DSCAML1: variants seen among roughly 807,000 people sequenced by gnomAD.
DSCAML1 encodes cell adhesion molecule DSCAML1.
Under a neutral mutation model 200.5 loss-of-function variants are expected in DSCAML1, and 38 were observed. The ratio of observed to expected loss-of-function variants is 0.19; its 90% CI spans 0.15 to 0.25. DSCAML1 has a LOEUF of 0.25. DSCAML1 is among the 10% of genes least tolerant of loss of function. The probability of loss-of-function intolerance (pLI) is 1.00; values close to 1 mark genes in which losing one functional copy is unlikely to be tolerated. For synonymous variants in DSCAML1, 1,215 were observed against 1,165.0 expected (o/e 1.04, Z -0.87); for missense variants, 2,223 against 2,858.8 (o/e 0.78, Z 5.07).
intron 1 of DSCAML1, among the ~76,000 whole-genome samples, chr11:117,809,727 A>C (rs967833080): frequency 6.6e-5 from 10 of 152,298 alleles, no homozygotes; most frequent in Admixed American, 2.0e-4. Context: ...AGGAGGCTGA[A>C]TCGCCGCGCA....
chr11:117,745,321 T>A (rs545454957), intron 3 of DSCAML1, among the ~76,000 whole-genome samples: 1 of 152,020 alleles, frequency 6.6e-6, no homozygotes, highest in African/African-American at 2.4e-5. Flanking sequence ...AAAAAGTCAA[T>A]TAAGAAAAAA....
intron 3 of DSCAML1, among the ~76,000 whole-genome samples, chr11:117,694,165 G>T (rs11600672): frequency 1.3e-5 from 2 of 151,192 alleles, no homozygotes; most frequent in Admixed American, 1.3e-4. Context: ...CACTTTGAGA[G>T]GCTGAGGTGG....
intron 3 of DSCAML1, among the ~76,000 whole-genome samples, chr11:117,595,785 A>AAG (rs1292489855): frequency 2.0e-4 from 31 of 152,310 alleles, no homozygotes; most frequent in African/African-American, 7.2e-4. Context: ...GCTAAAAAAA[A>AAG]AAAAGTGACC....
In DSCAML1 at chr11:117,642,596, T is replaced by C. The variant is rs551008981; in HGVS notation, c.512-110074A>G. On this transcript the variant is annotated intron_variant, in intron 3 of 32. Coordinates refer to ENST00000651296, the MANE Select transcript of DSCAML1 (RefSeq NM_020693.4). The surrounding 1 kb of genome is among the most constrained non-coding windows in gnomAD (Gnocchi z 4.1). The stretch of plus-strand genomic sequence containing the variant: ...GTGAGACACAGTGGGGCTGTATCCC[T>C]GTGGATGGACAGCAGTGCCTGAGGG... Among the ~76,000 whole-genome samples, 50 of 152,326 alleles carry C rather than the reference T, an allele frequency of 3.3e-4. No individual in the cohort carries two copies. Among genetic ancestry groups the C allele is most frequent in the Middle Eastern group, 3.4e-3 (1 of 294 alleles).
intron 5 of DSCAML1, among the ~76,000 whole-genome samples, chr11:117,523,970 G>A (rs11216437): frequency 0.16 from 24,961 of 152,172 alleles, 2,290 homozygotes; most frequent in South Asian, 0.31. Context: ...TCTTGATGCC[G>A]GAGCTAGAAG....
intron 3 of DSCAML1, among the ~76,000 whole-genome samples, chr11:117,703,735 G>C (rs545820382): frequency 6.6e-6 from 1 of 152,332 alleles, no homozygotes; most frequent in African/African-American, 2.4e-5. Flanking sequence ...CAAGACTGTG[G>C]GTGCCCCAAG....
chr11:117,628,783 T>C (rs1236601171), intron 3 of DSCAML1, among the ~76,000 whole-genome samples: 2 of 152,182 alleles, frequency 1.3e-5, no homozygotes, highest in East Asian at 3.9e-4. Flanking sequence ...GAACCATCTA[T>C]CCAGAAGCAG....
intron 11 of DSCAML1, among the ~76,000 whole-genome samples, chr11:117,484,151 G>A (rs1318464697): frequency 6.6e-6 from 1 of 151,848 alleles, no homozygotes; most frequent in Admixed American, 6.6e-5. Context: ...TTAAAGGCCT[G>A]CTCAGGCAAA....
intron 6 of DSCAML1, 98 bp downstream of exon 6, chr11:117,521,032 G>C: frequency 6.6e-7 from 1 of 1,522,168 alleles, no homozygotes. Flanking sequence ...GTGAGCGCTG[G>C]TTTAATGCCT....
rs1555032678 is a variant in DSCAML1, at chr11:117,780,231, G to GAGAAA, written c.364+261_364+262insTTTCT. Among the ~76,000 whole-genome samples, 2 of 60,648 alleles carry GAGAAA rather than the reference G, an allele frequency of 3.3e-5. No homozygotes were observed. The highest frequency in any genetic ancestry group is 1.3e-4 in the African/African-American group (2 of 15,248). 39.8% of individuals were successfully genotyped at this position (60,648 alleles called of 152,430 possible). A position where few individuals can be genotyped will look rare whatever the true frequency, so the allele number is the denominator to read the frequency against. ...AAAGAGAGAGAGAGAAAGAAAGAAA[G>GAGAAA]GAAAGAAAGAAAGAAAGAAAGAAAG... On this transcript the variant is annotated intron_variant, in intron 2 of 32. Transcript: ENST00000651296. The surrounding 1 kb of genome is among the most constrained non-coding windows in gnomAD (Gnocchi z 4.8).
intron 16 of DSCAML1, among the ~76,000 whole-genome samples, chr11:117,468,445 C>T (rs1295375628): frequency 1.3e-5 from 2 of 152,152 alleles, no homozygotes; most frequent in East Asian, 3.9e-4. Flanking sequence ...TTTTATCGAC[C>T]TGTGGGTCAG....
rs115177579 is a variant in DSCAML1 at position 117,663,536 on chromosome 11, C to T, written c.511+113255G>A. On this transcript the variant is annotated intron_variant, in intron 3 of 32. Transcript: ENST00000651296. ...TACAGGAGGCTCTCCATGGTACTTC[C>T]TGCCCCTCTCCCACTGCCACTGGAA... 4.1e-3 allele frequency among the ~76,000 whole-genome samples: 623 copies of T among 152,118 alleles called. 4 individuals carry two copies. The highest frequency in any genetic ancestry group is 0.014 in the African/African-American group (570 of 41,546).
intron 3 of DSCAML1, among the ~76,000 whole-genome samples, chr11:117,574,213 C>A (rs922689637): frequency 6.6e-6 from 1 of 152,182 alleles, no homozygotes; most frequent in African/African-American, 2.4e-5. Context: ...CATTTTTGGG[C>A]AAAACCTACC....
chr11:117,685,734 T>C (rs961574981), intron 3 of DSCAML1, among the ~76,000 whole-genome samples: 2 of 152,182 alleles, frequency 1.3e-5, no homozygotes, highest in African/African-American at 4.8e-5. Context: ...TTTCCTTATC[T>C]GCATACTTAC....
intron 11 of DSCAML1, among the ~76,000 whole-genome samples, chr11:117,491,287 G>T (rs2049177208): frequency 6.6e-6 from 1 of 152,184 alleles, no homozygotes; most frequent in Non-Finnish European, 1.5e-5. Context: ...CTATGTGCCA[G>T]GTACTGTTCT....
chr11:117,645,336 C>T (rs922903753), intron 3 of DSCAML1, among the ~76,000 whole-genome samples: 6 of 152,130 alleles, frequency 3.9e-5, no homozygotes, highest in Non-Finnish European at 8.8e-5. Context: ...ACAACTGAGG[C>T]TGATTTTCTC....
chr11:117,781,291 G>GA (rs57780075), intron 1 of DSCAML1, among the ~76,000 whole-genome samples: 8,251 of 118,364 alleles, frequency 0.07, 381 homozygotes, highest in African/African-American at 0.16. Flanking sequence ...ACTCTGTCTC[G>GA]AAAAAAAAAA....
intron 3 of DSCAML1, among the ~76,000 whole-genome samples, chr11:117,551,703 G>A (rs2050469246): frequency 6.6e-6 from 1 of 152,164 alleles, no homozygotes; most frequent in South Asian, 2.1e-4. Context: ...GGGAAAGGGG[G>A]TCTGGAGGGG....
At chr11:117,449,568 G>A (rs538458629) in intron 20 of DSCAML1, among the ~76,000 whole-genome samples, 1 of 152,240 alleles carries the variant, frequency 6.6e-6, no homozygotes, top group East Asian at 1.9e-4. Context: ...GCAGATCTCA[G>A]GCTGATGCCC....
Sources: gnomAD v4.1 joint callset for allele counts (sites outside exome capture counted in the v4.1 genomes callset) on GRCh38, gnomAD v4.1.1 for gene constraint, Gnocchi (gnomAD v3.1) non-coding constraint, MANE v1.5 for transcripts, NCBI Gene and HGNC (gene_info 2026-07-23, HGNC 2026-07-21) for gene names.